The following NAPG variants were observed in gnomAD, a reference collection of about 807,000 sequenced individuals.
The protein encoded by NAPG is gamma-soluble NSF attachment protein.
A neutral mutation model predicts 48.4 loss-of-function variants in NAPG; 25 were observed. That is an observed-to-expected ratio of 0.52 (90% confidence interval 0.38 to 0.72). NAPG has a LOEUF of 0.72. Ranked by LOEUF, NAPG falls within the 30% of genes least tolerant of loss-of-function variation. NAPG has a pLI of 0.00. For synonymous variants in NAPG, 139 were observed against 127.2 expected (o/e 1.09, Z -0.62); for missense variants, 359 against 372.5 (o/e 0.96, Z 0.30).
intron 1 of NAPG, among the ~76,000 whole-genome samples, chr18:10,528,886 T>C (rs1477762877): frequency 6.6e-6 from 1 of 152,182 alleles, no homozygotes; most frequent in African/African-American, 2.4e-5. Context: ...AGATATTTGA[T>C]TTTTCTCCAT....
intron 8 of NAPG, among the ~76,000 whole-genome samples, chr18:10,545,697 G>A (rs1228782104): frequency 6.6e-6 from 1 of 152,210 alleles, no homozygotes; most frequent in African/African-American, 2.4e-5. Flanking sequence ...GAAATGTTTT[G>A]GTGACCCCTT....
Position 10,548,453 on chromosome 18 carries a change from C to A in NAPG, c.665+75C>A. ...TCTACAACTAAGATTGCTGCTAGGA[C>A]ACATGTTCCTGGCCATGAAACTGTC... is the stretch of plus-strand genomic sequence containing the variant. On this transcript the variant is annotated intron_variant, in intron 10 of 11. Coordinates refer to ENST00000322897, the MANE Select transcript of NAPG (RefSeq NM_003826.3). The surrounding 1 kb of genome is among the most constrained non-coding windows in gnomAD (Gnocchi z 4.4). 8.6e-7 allele frequency: 1 copy of A among 1,164,172 alleles called. No homozygotes were observed. The allele number at this position is 1,164,172 out of a possible 1,614,324, so 72.1% of individuals were successfully genotyped here. A position where few individuals can be genotyped will look rare whatever the true frequency, so the allele number is the denominator to read the frequency against.
At position 10,533,119 on chromosome 18, in the gene NAPG, G is replaced by A. The variant is rs184809458; in HGVS notation, c.209+324G>A. On this transcript the variant is annotated intron_variant, in intron 3 of 11. Transcript: ENST00000322897. ...GAAGTAGCACAGGTATTGAAAACAC[G>A]TGAACTACTGTATCAATTTTTTTAA... 82 of 276,038 alleles carry A rather than the reference G, an allele frequency of 3.0e-4. 2 individuals are homozygous for A. The Admixed American group carries it at 3.0e-3, about 10-fold the overall frequency. The allele number at this position is 276,038 out of a possible 1,614,324, so 17.1% of individuals were successfully genotyped here.
At chr18:10,526,684 C>A (rs1374721064) in intron 1 of NAPG, 1 of 154,846 alleles carries the variant, frequency 6.5e-6, no homozygotes, top group Non-Finnish European at 1.4e-5. Context: ...GAACCTTTGT[C>A]ATCTGGCATT....
At position 10,551,552 on chromosome 18, in the gene NAPG, T is replaced by C. The variant is rs1375736211; in HGVS notation, c.*1332T>C. ...TTAGACCCATCTCGTAATCTGTTAATTGGAAAGAGGCTACAGACACCAGCA... is the reference window on the plus strand; with the variant it reads ...TTAGACCCATCTCGTAATCTGTTAACTGGAAAGAGGCTACAGACACCAGCA... On this transcript the variant is annotated 3_prime_UTR_variant, in exon 12 of 12. Coordinates refer to ENST00000322897, the MANE Select transcript of NAPG (RefSeq NM_003826.3). 1 of 152,228 alleles carries C rather than the reference T, an allele frequency of 6.6e-6. No individual in the cohort carries two copies. The highest frequency in any genetic ancestry group is 1.5e-5 in the Non-Finnish European group (1 of 68,028). The allele number at this position is 152,228 out of a possible 1,614,324, so 9.4% of individuals were successfully genotyped here.
Position 10,550,559 on chromosome 18 carries a change from C to A in NAPG, c.*339C>A. On this transcript the variant is annotated 3_prime_UTR_variant, in exon 12 of 12. Coordinates refer to ENST00000322897, the MANE Select transcript of NAPG (RefSeq NM_003826.3). ...GGGGTAATAAGCATAGGTATTCTCTCTTGGACACTTGTAAGTTACTGTTAG... is the reference window on the plus strand; with the variant it reads ...GGGGTAATAAGCATAGGTATTCTCTATTGGACACTTGTAAGTTACTGTTAG... 1 of 178,084 alleles carries A rather than the reference C, an allele frequency of 5.6e-6. No individual in the cohort carries two copies. The highest frequency in any genetic ancestry group is 1.3e-4 in the South Asian group (1 of 7,772). The allele number at this position is 178,084 out of a possible 1,614,324, so 11.0% of individuals were successfully genotyped here.
At chr18:10,541,091 T>C (rs2032147315) in intron 8 of NAPG, among the ~76,000 whole-genome samples, 1 of 152,202 alleles carries the variant, frequency 6.6e-6, no homozygotes, top group Non-Finnish European at 1.5e-5. Flanking sequence ...AAAATAGAAA[T>C]GACTGATGAA....
At chr18:10,549,175 G>A in intron 11 of NAPG, 79 bp downstream of exon 11, 4 of 1,487,072 alleles carry the variant, frequency 2.7e-6, no homozygotes, top group Non-Finnish European at 3.6e-6. Context: ...TTTTACCCAT[G>A]TACTTAAGAG....
chr18:10,533,492 T>G (rs1567888837), intron 3 of NAPG, 44 bp from the exon 4 acceptor site: 2 of 1,557,572 alleles, frequency 1.3e-6, no homozygotes, highest in Non-Finnish European at 1.7e-6. Context: ...AACTATTGAT[T>G]TTTTTCTTTT....
intron 8 of NAPG, among the ~76,000 whole-genome samples, chr18:10,541,304 T>C (rs2032152415): frequency 6.6e-6 from 1 of 152,234 alleles, no homozygotes; most frequent in Non-Finnish European, 1.5e-5. Context: ...AATTTCATTT[T>C]GTTTTTAAAT....
chr18:10,533,667 A>G lies in NAPG; in HGVS notation c.227+114A>G. 1.5e-5 allele frequency: 13 copies of G among 862,454 alleles called. No individual in the cohort carries two copies. In the South Asian group the frequency reaches 2.2e-4, roughly 15 times the overall value. The allele number at this position is 862,454 out of a possible 1,614,324, so 53.4% of individuals were successfully genotyped here. A position where few individuals can be genotyped will look rare whatever the true frequency, so the allele number is the denominator to read the frequency against. On this transcript the variant is annotated intron_variant, in intron 4 of 11. Coordinates refer to ENST00000322897, the MANE Select transcript of NAPG (RefSeq NM_003826.3). The stretch of plus-strand genomic sequence containing the variant: ...TAAATTTTGTATTGATTTAAATAAT[A>G]ATCATTTCTCTTTGCTTCAGTTTTT...
intron 2 of NAPG, among the ~76,000 whole-genome samples, chr18:10,532,014 A>G (rs1307067557): frequency 6.6e-6 from 1 of 152,228 alleles, no homozygotes; most frequent in Non-Finnish European, 1.5e-5. Flanking sequence ...TTTAACAAAT[A>G]GCACTTTTCT....
At chr18:10,540,681 C>A in intron 8 of NAPG, 1 of 283,764 alleles carries the variant, frequency 3.5e-6, no homozygotes, top group Non-Finnish European at 6.5e-6. Flanking sequence ...TTTCCTTCAT[C>A]TGTTACTTGG....
chr18:10,539,904 AGTCTT>A lies in NAPG; in HGVS notation c.368+39_368+43del. On this transcript the variant is annotated intron_variant, in intron 6 of 11. Coordinates refer to ENST00000322897, the MANE Select transcript of NAPG (RefSeq NM_003826.3). This position sits in a 1 kb window ranked among gnomAD's most constrained non-coding sequence, Gnocchi z 4.7. ...TGAGATGGACAAGTCTCTGCATAGA[AGTCTT>A]GTCTTTTTGTTTTAAAGAGGTCCCT... The A allele has an allele frequency of 6.2e-7, 1 of 1,611,080 alleles. No homozygotes were observed. The highest frequency in any genetic ancestry group is 8.5e-7 in the Non-Finnish European group (1 of 1,177,648).
chr18:10,526,053 A>G lies in NAPG; in HGVS notation c.-50A>G. The G allele has an allele frequency of 6.4e-7, 1 of 1,567,580 alleles. No individual in the cohort carries two copies. The highest frequency in any genetic ancestry group is 8.8e-7 in the Non-Finnish European group (1 of 1,138,910). ...TATTTGGGCGGATTCTTGGCGCCGGAGGAAGAGGCAGGGTCACCCTCTCTC... is the reference window on the plus strand; with the variant it reads ...TATTTGGGCGGATTCTTGGCGCCGGGGGAAGAGGCAGGGTCACCCTCTCTC... On this transcript the variant is annotated 5_prime_UTR_variant, in exon 1 of 12. Coordinates refer to ENST00000322897, the MANE Select transcript of NAPG (RefSeq NM_003826.3).
rs62093551 is a variant in NAPG, at chr18:10,531,364, C to G, written c.124+527C>G. ...AATTTATCTTTATATAAGATATAAA[C>G]AATCTAAAATATGCAACAGAAAGGG... is the stretch of plus-strand genomic sequence containing the variant. On this transcript the variant is annotated intron_variant, in intron 2 of 11. Coordinates refer to ENST00000322897, the MANE Select transcript of NAPG (RefSeq NM_003826.3). 6.2e-4 allele frequency among the ~76,000 whole-genome samples: 94 copies of G among 152,134 alleles called. 1 individual carries two copies. The Middle Eastern group carries it at 0.017, about 28-fold the overall frequency.
chr18:10,532,612 T>A, intron 2 of NAPG, 99 bp from the exon 3 acceptor site: 1 of 829,630 alleles, frequency 1.2e-6, no homozygotes, highest in Non-Finnish European at 1.8e-6. Flanking sequence ...GTATTTGAAG[T>A]AAGTATGTTT....
Position 10,542,681 on chromosome 18 carries a change from G to A in NAPG, c.506+2282G>A, listed in dbSNP as rs1379015729. The stretch of plus-strand genomic sequence containing the variant: ...TTTATGTTTGTTATATTTAGTTAGT[G>A]CACTTATGTTTTTACATTAACATGA... On this transcript the variant is annotated intron_variant, in intron 8 of 11. Transcript: ENST00000322897. This position sits in a 1 kb window ranked among gnomAD's most constrained non-coding sequence, Gnocchi z 4.5. Among the ~76,000 whole-genome samples the A allele has an allele frequency of 6.6e-6, 1 of 152,142 alleles. No individual in the cohort carries two copies. The highest frequency in any genetic ancestry group is 2.4e-5 in the African/African-American group (1 of 41,418).
chr18:10,552,646 G>C lies in NAPG; in HGVS notation c.*2426G>C, dbSNP rs756030230. On this transcript the variant is annotated 3_prime_UTR_variant, in exon 12 of 12. Transcript: ENST00000322897. ...AGTACGGTATTTCTGTATGGAATCT[G>C]CTTTATTCCTATTTTTCCCAACTCT... 9 of 152,108 alleles carry C rather than the reference G, an allele frequency of 5.9e-5. No homozygotes were observed. Among genetic ancestry groups the C allele is most frequent in the Non-Finnish European group, 8.8e-5 (6 of 68,026 alleles). The allele number at this position is 152,108 out of a possible 1,614,324, so 9.4% of individuals were successfully genotyped here.
Sources: allele counts gnomAD v4.1 joint callset (sites outside exome capture counted in the v4.1 genomes callset), GRCh38; gene constraint gnomAD v4.1.1; non-coding constraint Gnocchi (gnomAD v3.1); transcripts MANE v1.5; gene names NCBI Gene and HGNC (gene_info 2026-07-23, HGNC 2026-07-21).